The following ACOT11 variants were observed in gnomAD, a reference collection of about 807,000 sequenced individuals.
The protein encoded by ACOT11 is acyl-CoA thioesterase 11.
ACOT11 carries 69 observed loss-of-function variants against 77.5 expected under a neutral mutation model. The ratio of observed to expected loss-of-function variants is 0.89; its 90% CI spans 0.73 to 1.09. The LOEUF is 1.09. ACOT11 is among the 50% of genes least tolerant of loss of function. ACOT11 has a pLI of 0.00. For missense variants in ACOT11, 766 were observed against 813.7 expected, an observed-to-expected ratio of 0.94 and a Z score of 0.71; for synonymous variants, 279 against 313.0, an observed-to-expected ratio of 0.89 and a Z score of 1.15.
chr1:54,553,539 A>G (rs1434376518), intron 1 of ACOT11, among the ~76,000 whole-genome samples: 4 of 152,124 alleles, frequency 2.6e-5, no homozygotes, highest in Non-Finnish European at 5.9e-5. Context: ...GATGTTTTGA[A>G]GTACGTATAC....
At chr1:54,580,421 C>T (rs1228134852) in intron 1 of ACOT11, among the ~76,000 whole-genome samples, 1 of 152,170 alleles carries the variant, frequency 6.6e-6, no homozygotes, top group Non-Finnish European at 1.5e-5. Context: ...GCCTGGCCCC[C>T]AAGCCCCTCT....
At chr1:54,562,425 C>T (rs1401963375) in intron 1 of ACOT11, among the ~76,000 whole-genome samples, 10 of 79,472 alleles carry the variant, frequency 1.3e-4, no homozygotes, top group African/African-American at 1.7e-4. Context: ...CCGGACGGGG[C>T]GGCTGGCCGG....
chr1:54,575,560 C>T (rs1006279978), intron 1 of ACOT11, among the ~76,000 whole-genome samples: 6 of 146,926 alleles, frequency 4.1e-5, no homozygotes, highest in African/African-American at 1.4e-4. Context: ...AGGGAGAATT[C>T]GGAACGCACT....
chr1:54,630,907 G>A (rs570083477), intron 16 of ACOT11: 5 of 694,228 alleles, frequency 7.2e-6, no homozygotes, highest in Admixed American at 6.5e-5. Context: ...AGGGGAGTCC[G>A]GAAGCGTCAG....
Position 54,549,217 on chromosome 1 carries a change from G to A in ACOT11, c.33+875G>A, listed in dbSNP as rs746081910. Among the ~76,000 whole-genome samples, 164 of 152,120 alleles carry A rather than the reference G, an allele frequency of 1.1e-3. 4 individuals are homozygous for A. The highest frequency in any genetic ancestry group is 4.1e-4 in the Non-Finnish European group (28 of 68,024). On this transcript the variant is annotated intron_variant, in intron 1 of 15. Transcript: ENST00000343744. ...CTTTCAGTCCACTCTCCACACTGGA[G>A]GGATGCTTCTAAAAAGTAAATGTGC...
chr1:54,597,427 G>A lies in ACOT11; in HGVS notation c.764+12G>A, dbSNP rs993686355. 6.2e-7 allele frequency: 1 copy of A among 1,601,220 alleles called. No individual in the cohort carries two copies. Among genetic ancestry groups the A allele is most frequent in the Non-Finnish European group, 8.5e-7 (1 of 1,171,894 alleles). On this transcript the variant is annotated intron_variant, in intron 7 of 15. Coordinates refer to ENST00000343744, the MANE Select transcript of ACOT11 (RefSeq NM_147161.4). ...ACCATTGCAGCCAGGTGAGGGCAGG[G>A]TGTGCTGCCTCTGCCTCCCCTCCTT...
intron 16 of ACOT11, chr1:54,631,022 C>T (rs1326978161): frequency 2.3e-6 from 1 of 437,120 alleles, no homozygotes; most frequent in East Asian, 3.5e-5. Flanking sequence ...GAAGAGGTTA[C>T]AGAGCATGTT....
downstream of ACOT11, chr1:54,612,714 CA>C (rs763058077): frequency 6.2e-7 from 1 of 1,609,564 alleles, no homozygotes; most frequent in Non-Finnish European, 8.5e-7. Flanking sequence ...CAGGAACCTG[CA>C]AAAAAATCAG....
rs1308352215 is a variant in ACOT11 at position 54,607,356 on chromosome 1, G to C, written c.1502+91G>C. 3 of 1,571,126 alleles carry C rather than the reference G, an allele frequency of 1.9e-6. No homozygotes were observed. In the African/African-American group the frequency reaches 4.0e-5, roughly 21 times the overall value. ...CCTCCCAGGGAAGGGCATCAGCCTG[G>C]AGCCAGAGCTCTGCTTCCCATTGGC... On this transcript the variant is annotated intron_variant, in intron 14 of 15. Transcript: ENST00000343744. The surrounding 1 kb of genome is among the most constrained non-coding windows in gnomAD (Gnocchi z 4.5).
chr1:54,601,434 G>A (rs2101000038), intron 9 of ACOT11, 21 bp downstream of exon 9: 1 of 1,605,494 alleles, frequency 6.2e-7, no homozygotes, highest in Non-Finnish European at 8.5e-7. Flanking sequence ...CCAGCGCCCT[G>A]CCCCACCAGC....
downstream of ACOT11, chr1:54,614,937 CGGGT>C (rs2101018846): frequency 6.8e-6 from 7 of 1,029,238 alleles, no homozygotes; most frequent in Non-Finnish European, 9.7e-6. Context: ...GAAAGCAGAG[CGGGT>C]GTGTGTGTGT....
At chr1:54,587,760 C>G (rs1654559090) in intron 3 of ACOT11, among the ~76,000 whole-genome samples, 1 of 151,188 alleles carries the variant, frequency 6.6e-6, no homozygotes, top group African/African-American at 2.4e-5. Flanking sequence ...CGGGGTTTCA[C>G]CATGTTGGCC....
intron 1 of ACOT11, among the ~76,000 whole-genome samples, chr1:54,569,114 A>G (rs576120143): frequency 2.8e-3 from 178 of 64,316 alleles, no homozygotes; most frequent in Middle Eastern, 0.016. Context: ...GACTCTCTCG[A>G]AAAAAAAAAA....
chr1:54,564,267 AAAAG>A (rs1410812037), intron 1 of ACOT11, among the ~76,000 whole-genome samples: 5 of 152,122 alleles, frequency 3.3e-5, no homozygotes, highest in Non-Finnish European at 7.4e-5. Context: ...ATAAAATAAA[AAAAG>A]AAAAAAAGAA....
At chr1:54,550,524 C>T (rs1653024495) in intron 1 of ACOT11, among the ~76,000 whole-genome samples, 2 of 152,254 alleles carry the variant, frequency 1.3e-5, no homozygotes, top group African/African-American at 4.8e-5. Context: ...AACAAATAAA[C>T]AATCCCTGGC....
exon 17 of ACOT11, chr1:54,636,143 A>C (rs1408158393): frequency 1.3e-5 from 2 of 152,206 alleles, no homozygotes; most frequent in African/African-American, 4.8e-5. Flanking sequence ...TTGCCCCTCC[A>C]CACCTGTGGG....
In ACOT11 at chr1:54,628,498, A is replaced by G. The variant is rs752544990; in HGVS notation, c.1630-2236A>G. On this transcript the variant is annotated intron_variant, in intron 15 of 16. Transcript: ENST00000371316. ...TACAAAATAAAAAAATAAATTAGCG[A>G]GACATGGTGGTGCATGCCTATAGTC... is the stretch of plus-strand genomic sequence containing the variant. 8.7e-4 allele frequency: 112 copies of G among 128,036 alleles called. 27 individuals are homozygous for G. The highest frequency in any genetic ancestry group is 1.6e-3 in the Non-Finnish European group (94 of 57,242). 7.9% of individuals were successfully genotyped at this position (128,036 alleles called of 1,614,324 possible).
chr1:54,575,722 A>G (rs925480798), intron 1 of ACOT11, among the ~76,000 whole-genome samples: 12 of 152,294 alleles, frequency 7.9e-5, no homozygotes, highest in African/African-American at 2.4e-4. Context: ...CCTTGTCACA[A>G]TGGAGAGCAC....
chr1:54,617,311 G>A (rs1340221875), intron 15 of ACOT11, among the ~76,000 whole-genome samples: 1 of 152,048 alleles, frequency 6.6e-6, no homozygotes, highest in African/African-American at 2.4e-5. Context: ...CATCACAAAC[G>A]ACTGATGCCA....
Sources: allele counts gnomAD v4.1 joint callset (sites outside exome capture counted in the v4.1 genomes callset), GRCh38; gene constraint gnomAD v4.1.1; non-coding constraint Gnocchi (gnomAD v3.1); transcripts MANE v1.5; gene names NCBI Gene and HGNC (gene_info 2026-07-23, HGNC 2026-07-21).